Variants in RAPGEF2 observed in about 807,000 individuals in gnomAD.
RAPGEF2 encodes the protein PDZ domain containing guanine nucleotide exchange factor (GEF) 1.
RAPGEF2 carries 54 observed loss-of-function variants against 186.7 expected under a neutral mutation model. That is an observed-to-expected ratio of 0.29 (90% confidence interval 0.23 to 0.36). The LOEUF (loss-of-function observed/expected upper bound fraction) is 0.36, where lower values mean the gene tolerates loss of function less well. Ranked by LOEUF, RAPGEF2 falls within the 10% of genes least tolerant of loss-of-function variation. The pLI, the probability that RAPGEF2 is intolerant of heterozygous loss-of-function variation, is 1.00. For synonymous variants in RAPGEF2, 712 were observed against 705.9 expected, an observed-to-expected ratio of 1.01 and a Z score of -0.14; for missense variants, 1,532 against 2,045.0, an observed-to-expected ratio of 0.75 and a Z score of 4.84.
At chr4:159,157,504 T>A (rs1005099009) in intron 1 of RAPGEF2, among the ~76,000 whole-genome samples, 5 of 152,224 alleles carry the variant, frequency 3.3e-5, no homozygotes, top group Non-Finnish European at 7.3e-5. Context: ...TAAAGTGGTT[T>A]CTAGGGTTTC....
In RAPGEF2 at chr4:159,312,899, G is replaced by A. The variant is rs78859510; in HGVS notation, c.676-1692G>A. ...GTGGTGGCTCATGCCTGTAATCACA[G>A]CACTTTGGTAGGCTGAGGTGGGCAG... On this transcript the variant is annotated intron_variant, in intron 8 of 29. Transcript: ENST00000691494. 1.3e-3 allele frequency among the ~76,000 whole-genome samples: 196 copies of A among 152,302 alleles called. 7 individuals are homozygous for A. In the East Asian group the frequency reaches 0.032, roughly 25 times the overall value.
chr4:159,219,388 C>T (rs1471343707), intron 4 of RAPGEF2, among the ~76,000 whole-genome samples: 1 of 109,384 alleles, frequency 9.1e-6, no homozygotes, highest in African/African-American at 3.7e-5. Context: ...CGGAGTCTTG[C>T]TCTGTTGCTC....
chr4:159,145,053 T>C (rs1384393276), intron 1 of RAPGEF2, among the ~76,000 whole-genome samples: 7 of 151,818 alleles, frequency 4.6e-5, no homozygotes, highest in African/African-American at 1.7e-4. Flanking sequence ...TACACCTGGG[T>C]AGTTTTTGGT....
At chr4:159,344,652 A>G (rs1354791050) in intron 23 of RAPGEF2, among the ~76,000 whole-genome samples, 1 of 152,202 alleles carries the variant, frequency 6.6e-6, no homozygotes, top group East Asian at 1.9e-4. Context: ...TTAAAAACTC[A>G]CCACATTCAA....
At position 159,241,382 on chromosome 4, in the gene RAPGEF2, G is replaced by C; in HGVS notation, c.525+14G>C. On this transcript the variant is annotated intron_variant, in intron 6 of 29. Coordinates refer to ENST00000691494, the MANE Select transcript of RAPGEF2 (RefSeq NM_001394067.2). ...GGCTATCACACGGTAAGTTATACAA[G>C]TATAATATTTTTATTTATTTCTAGT... is the stretch of plus-strand genomic sequence containing the variant. The C allele has an allele frequency of 7.5e-7, 1 of 1,327,542 alleles. No individual in the cohort carries two copies. Among genetic ancestry groups the C allele is most frequent in the Middle Eastern group, 2.0e-4 (1 of 4,988 alleles). The allele number at this position is 1,327,542 out of a possible 1,614,324, so 82.2% of individuals were successfully genotyped here. A position where few individuals can be genotyped will look rare whatever the true frequency, so the allele number is the denominator to read the frequency against.
Position 159,293,883 on chromosome 4 carries a change from G to T in RAPGEF2, c.544-10459G>T, listed in dbSNP as rs549155339. Among the ~76,000 whole-genome samples, 10 of 152,276 alleles carry T rather than the reference G, an allele frequency of 6.6e-5. No individual in the cohort carries two copies. The South Asian group carries it at 1.9e-3, about 28-fold the overall frequency. ...AATGGAAAGGGAAAGATCATGGAGG[G>T]TCTCATGTGTAAGGTTGTTATGAGT... On this transcript the variant is annotated intron_variant, in intron 7 of 29. Coordinates refer to ENST00000691494, the MANE Select transcript of RAPGEF2 (RefSeq NM_001394067.2).
In RAPGEF2 at chr4:159,309,223, C is replaced by T. The variant is rs575319372; in HGVS notation, c.675+4750C>T. Among the ~76,000 whole-genome samples, 4 of 152,272 alleles carry T rather than the reference C, an allele frequency of 2.6e-5. No homozygotes were observed. In the East Asian group the frequency reaches 7.7e-4, roughly 29 times the overall value. On this transcript the variant is annotated intron_variant, in intron 8 of 29. Transcript: ENST00000691494. ...TTCAGCCTTTGTTTTCAAGTGTCAT[C>T]TCCTCAGAGTTGTTCCTTTATAATC... is the stretch of plus-strand genomic sequence containing the variant.
At chr4:159,137,709 CAAAAAAA>C (rs35501594) in intron 1 of RAPGEF2, among the ~76,000 whole-genome samples, 13 of 122,212 alleles carry the variant, frequency 1.1e-4, no homozygotes. Context: ...AAAATAAATG[CAAAAAAA>C]AAAAAAAAAA....
chr4:159,343,606 A>T (rs949184447), intron 22 of RAPGEF2, among the ~76,000 whole-genome samples: 1 of 152,216 alleles, frequency 6.6e-6, no homozygotes, highest in African/African-American at 2.4e-5. Context: ...GGCTGTCAGT[A>T]AAAACAGTTT....
chr4:159,161,975 A>G (rs1443380687), intron 1 of RAPGEF2, among the ~76,000 whole-genome samples: 2 of 152,242 alleles, frequency 1.3e-5, no homozygotes, highest in East Asian at 1.9e-4. Context: ...AGCATGCATC[A>G]TAACGTTCTG....
chr4:159,289,697 C>G (rs1259360799), intron 7 of RAPGEF2, among the ~76,000 whole-genome samples: 1 of 152,102 alleles, frequency 6.6e-6, no homozygotes, highest in East Asian at 1.9e-4. Flanking sequence ...AAATCAGCAG[C>G]TACTGTAAAG....
At chr4:159,298,486 T>C (rs1762284499) in intron 7 of RAPGEF2, among the ~76,000 whole-genome samples, 1 of 152,180 alleles carries the variant, frequency 6.6e-6, no homozygotes, top group Non-Finnish European at 1.5e-5. Context: ...TATAAACTGG[T>C]CTTTAAAATG....
At chr4:159,243,652 T>C in intron 6 of RAPGEF2, 122 bp from the exon 7 acceptor site, 2 of 614,108 alleles carry the variant, frequency 3.3e-6, no homozygotes, top group Non-Finnish European at 5.3e-6. Context: ...GCTGATTCTA[T>C]ATGATCATTC....
chr4:159,115,417 C>T (rs1738938683), intron 1 of RAPGEF2, among the ~76,000 whole-genome samples: 2 of 152,098 alleles, frequency 1.3e-5, no homozygotes, highest in South Asian at 4.2e-4. Flanking sequence ...AAAGAGCAGG[C>T]CAGGTTTTGA....
intron 17 of RAPGEF2, among the ~76,000 whole-genome samples, chr4:159,335,460 C>T (rs757581052): frequency 2.6e-5 from 4 of 152,096 alleles, no homozygotes; most frequent in Admixed American, 6.5e-5. Context: ...AGAGTGGCCG[C>T]ATGTCTGGAT....
chr4:159,267,769 A>G (rs1009740320), intron 7 of RAPGEF2: 67 of 1,011,600 alleles, frequency 6.6e-5, no homozygotes, highest in Non-Finnish European at 7.8e-5. Flanking sequence ...GTCTGTGTGC[A>G]GTCAGCCATT....
rs377520115 is a variant in RAPGEF2, at chr4:159,339,090, G to A, written c.2294-24G>A. The A allele has an allele frequency of 6.8e-6, 11 of 1,606,662 alleles. No homozygotes were observed. In the African/African-American group the frequency reaches 9.4e-5, roughly 14 times the overall value. ...ATATATTAAAATTCTTTCTACTTAT[G>A]TGTGTGATTTTTCTTTCCCCCAGAC... On this transcript the variant is annotated intron_variant, in intron 18 of 29. Coordinates refer to ENST00000691494, the MANE Select transcript of RAPGEF2 (RefSeq NM_001394067.2).
chr4:159,343,358 C>T lies in RAPGEF2; in HGVS notation c.3208C>T (p.Arg1070Ter). The change falls in exon 22 of 30, where the codon CGA (arginine) becomes TGA (stop). Residue 1070 changes from arginine to a stop codon, truncating the protein, a stop_gained. Transcript: ENST00000691494. LOFTEE classifies it high-confidence loss of function. The stretch of plus-strand genomic sequence containing the variant: ...TGCAAAAGAAATTCGTCACGTTGGC[C>T]GAATGGCTTCAGTGAACATGGACCC... ...MIAKEIRHVGRMASVNMDPAL... is the reference protein window; with the variant it reads ...MIAKEIRHVG 2 of 1,613,888 alleles carry T rather than the reference C, an allele frequency of 1.2e-6. No individual in the cohort carries two copies. Among genetic ancestry groups the T allele is most frequent in the Non-Finnish European group, 1.7e-6 (2 of 1,179,918 alleles).
intron 3 of RAPGEF2, among the ~76,000 whole-genome samples, chr4:159,207,831 G>A (rs972041235): frequency 6.6e-6 from 1 of 151,996 alleles, no homozygotes; most frequent in African/African-American, 2.4e-5. Context: ...AACTAGTTTT[G>A]GGTCTGGAAT....
Sources: allele counts gnomAD v4.1 joint callset (sites outside exome capture counted in the v4.1 genomes callset), GRCh38; gene constraint gnomAD v4.1.1; transcripts MANE v1.5; gene names NCBI Gene and HGNC (gene_info 2026-07-23, HGNC 2026-07-21).